The following STK32B variants were observed in gnomAD, a reference collection of about 807,000 sequenced individuals.
STK32B encodes serine/threonine-protein kinase 32B.
Under a neutral mutation model 52.6 loss-of-function variants are expected in STK32B, and 43 were observed. The observed-to-expected ratio is 0.82, with a 90% confidence interval of 0.64 to 1.05. STK32B has a LOEUF of 1.05. Ranked by LOEUF, STK32B falls within the 50% of genes least tolerant of loss-of-function variation. STK32B has a pLI of 0.00. For missense variants in STK32B, 621 were observed against 534.6 expected, an observed-to-expected ratio of 1.16 and a Z score of -1.59; for synonymous variants, 238 against 204.3, an observed-to-expected ratio of 1.17 and a Z score of -1.41.
chr4:5,373,057 A>G (rs2109014480), intron 4 of STK32B, among the ~76,000 whole-genome samples: 1 of 152,262 alleles, frequency 6.6e-6, no homozygotes, highest in Middle Eastern at 3.4e-3. Flanking sequence ...TAAAGCCAGA[A>G]AAAGCTTTGT....
intron 5 of STK32B, among the ~76,000 whole-genome samples, chr4:5,412,933 C>T (rs1013833686): frequency 1.2e-4 from 18 of 152,076 alleles, no homozygotes; most frequent in African/African-American, 4.3e-4. Context: ...CCCAGAAGGT[C>T]TGACACATTT....
At chr4:5,192,899 G>A (rs888483650) in intron 3 of STK32B, among the ~76,000 whole-genome samples, 5 of 152,116 alleles carry the variant, frequency 3.3e-5, no homozygotes, top group Non-Finnish European at 5.9e-5. Context: ...GGCACCCTCC[G>A]TTCCACTCTC....
At chr4:5,123,194 G>A (rs1031200857) in intron 1 of STK32B, among the ~76,000 whole-genome samples, 3 of 152,122 alleles carry the variant, frequency 2.0e-5, no homozygotes, top group African/African-American at 4.8e-5. Flanking sequence ...GAGACAGAAG[G>A]TGTTGCTCCA....
chr4:5,132,701 T>C (rs1018421180), intron 1 of STK32B, among the ~76,000 whole-genome samples: 1 of 152,116 alleles, frequency 6.6e-6, no homozygotes, highest in African/African-American at 2.4e-5. Flanking sequence ...AGATAATAAA[T>C]TGATATTATT....
chr4:5,103,755 C>T (rs1412947384), intron 1 of STK32B, among the ~76,000 whole-genome samples: 1 of 152,152 alleles, frequency 6.6e-6, no homozygotes, highest in Non-Finnish European at 1.5e-5. Flanking sequence ...CTGTCATTTA[C>T]ACAGATGTAG....
chr4:5,159,842 G>C (rs2108723789), intron 2 of STK32B, among the ~76,000 whole-genome samples: 1 of 150,718 alleles, frequency 6.6e-6, no homozygotes, highest in Admixed American at 6.6e-5. Flanking sequence ...TCGTTGATAA[G>C]ATGATTATGG....
At chr4:5,031,750 G>A in the STK32B span, among the ~76,000 whole-genome samples, 56 of 152,250 alleles carry the variant, frequency 3.7e-4, no homozygotes, top group African/African-American at 1.3e-3. Context: ...TGGGCAGGTC[G>A]GGGTCCCACT....
At chr4:5,350,781 A>G (rs1733775055) in intron 4 of STK32B, among the ~76,000 whole-genome samples, 1 of 152,152 alleles carries the variant, frequency 6.6e-6, no homozygotes, top group Non-Finnish European at 1.5e-5. Context: ...GACTGAAAGT[A>G]AAAGGATAGA....
At chr4:5,488,912 T>C (rs143341402) in intron 11 of STK32B, among the ~76,000 whole-genome samples, 225 of 152,198 alleles carry the variant, frequency 1.5e-3, no homozygotes, top group African/African-American at 5.1e-3. Flanking sequence ...ATATATTTTA[T>C]GTCTGTCTTA....
chr4:5,175,913 A>G (rs1560199315), intron 3 of STK32B, among the ~76,000 whole-genome samples: 3 of 152,256 alleles, frequency 2.0e-5, no homozygotes, highest in East Asian at 3.8e-4. Context: ...GAGCCTACAG[A>G]GGCAGGCAGG....
intron 4 of STK32B, among the ~76,000 whole-genome samples, chr4:5,350,914 G>T (rs998974194): frequency 6.6e-6 from 1 of 151,692 alleles, no homozygotes; most frequent in Non-Finnish European, 1.5e-5. Context: ...TAATGATAAA[G>T]GGCTTAATAT....
chr4:5,271,719 C>T (rs1004114762), intron 3 of STK32B, among the ~76,000 whole-genome samples: 6 of 146,258 alleles, frequency 4.1e-5, no homozygotes, highest in East Asian at 4.0e-4. Context: ...AGGTCCTTCA[C>T]ATCCCTTGTA....
At chr4:5,422,988 G>C (rs1038232419) in intron 6 of STK32B, among the ~76,000 whole-genome samples, 1 of 152,168 alleles carries the variant, frequency 6.6e-6, no homozygotes, top group Admixed American at 6.5e-5. Context: ...GGGAGAACTT[G>C]GCAGCTCCAT....
At chr4:5,259,693 C>A (rs1418566505) in intron 3 of STK32B, among the ~76,000 whole-genome samples, 2 of 152,102 alleles carry the variant, frequency 1.3e-5, no homozygotes, top group African/African-American at 2.4e-5. Flanking sequence ...TTTCTAATAG[C>A]CTTTAGGATG....
rs905895860 is a variant in STK32B, at chr4:5,400,776, T to C, written c.472+2532T>C. ...GCTGATCGGCTTTTTGAGCAGAGCCTGAAGCTGGCCATTCTTGCCTTTGTC... is the reference window on the plus strand; with the variant it reads ...GCTGATCGGCTTTTTGAGCAGAGCCCGAAGCTGGCCATTCTTGCCTTTGTC... On this transcript the variant is annotated intron_variant, in intron 5 of 11. Transcript: ENST00000282908. This position sits in a 1 kb window ranked among gnomAD's most constrained non-coding sequence, Gnocchi z 6.1. Among the ~76,000 whole-genome samples, 8 of 152,190 alleles carry C rather than the reference T, an allele frequency of 5.3e-5. No individual in the cohort carries two copies. Among genetic ancestry groups the C allele is most frequent in the Non-Finnish European group, 1.0e-4 (7 of 68,034 alleles).
At chr4:5,123,669 C>CT (rs1351693770) in intron 1 of STK32B, among the ~76,000 whole-genome samples, 1 of 152,146 alleles carries the variant, frequency 6.6e-6, no homozygotes, top group Non-Finnish European at 1.5e-5. Context: ...CTTATCACCT[C>CT]TTTTTACAAG....
chr4:5,041,263 G>GCA, the STK32B span, among the ~76,000 whole-genome samples: 3 of 151,882 alleles, frequency 2.0e-5, no homozygotes, highest in South Asian at 2.1e-4. Context: ...GACAACACAC[G>GCA]CACACACACA....
intron 3 of STK32B, among the ~76,000 whole-genome samples, chr4:5,219,369 A>G (rs1396307946): frequency 6.6e-6 from 1 of 152,214 alleles, no homozygotes; most frequent in Non-Finnish European, 1.5e-5. Context: ...GCCTGACAAC[A>G]CTACATTTTT....
intron 1 of STK32B, among the ~76,000 whole-genome samples, chr4:5,128,974 A>G (rs1181530799): frequency 1.3e-5 from 2 of 152,210 alleles, no homozygotes; most frequent in East Asian, 1.9e-4. Context: ...CTCAGTGTGT[A>G]TTGCCTGGAG....
Sources: gnomAD v4.1 joint callset for allele counts (sites outside exome capture counted in the v4.1 genomes callset) on GRCh38, gnomAD v4.1.1 for gene constraint, Gnocchi (gnomAD v3.1) non-coding constraint, MANE v1.5 for transcripts, NCBI Gene and HGNC (gene_info 2026-07-23, HGNC 2026-07-21) for gene names.